NOL4: variants seen among roughly 807,000 people sequenced by gnomAD.
NOL4 encodes the protein nucleolar protein 4.
A neutral mutation model predicts 75.9 loss-of-function variants in NOL4; 17 were observed. That is an observed-to-expected ratio of 0.22 (90% CI 0.15 to 0.34). The LOEUF is 0.34. Among genes scored for constraint, NOL4 ranks in the 10% least tolerant of loss-of-function variants. The probability of loss-of-function intolerance (pLI) is 1.00; values close to 1 mark genes in which losing one functional copy is unlikely to be tolerated. For missense variants in NOL4, 614 were observed against 793.5 expected (o/e 0.77, Z 2.72); for synonymous variants, 292 against 289.9 (o/e 1.01, Z -0.07).
intron 9 of NOL4, among the ~76,000 whole-genome samples, chr18:33,917,600 T>A (rs1219566811): frequency 1.3e-5 from 2 of 152,004 alleles, no homozygotes; most frequent in African/African-American, 2.4e-5. Flanking sequence ...GGCTTACTAA[T>A]CCTCCCTCCT....
At chr18:34,191,258 T>C (rs2034892505) in intron 1 of NOL4, among the ~76,000 whole-genome samples, 1 of 152,152 alleles carries the variant, frequency 6.6e-6, no homozygotes, top group African/African-American at 2.4e-5. Context: ...ACTCTCTTCA[T>C]TTCCATTGTT....
chr18:34,074,384 C>T (rs904723883), intron 5 of NOL4, among the ~76,000 whole-genome samples: 2 of 151,680 alleles, frequency 1.3e-5, no homozygotes, highest in Non-Finnish European at 3.0e-5. Context: ...TAACACTCTT[C>T]ATATTGTTGT....
chr18:34,137,779 T>TACACACACAC (rs1156472289), intron 1 of NOL4, among the ~76,000 whole-genome samples: 125 of 147,152 alleles, frequency 8.5e-4, no homozygotes, highest in East Asian at 5.0e-3. Context: ...ATATACGAAA[T>TACACACACAC]ACACACACAC....
intron 6 of NOL4, among the ~76,000 whole-genome samples, chr18:34,007,303 G>A (rs1051669546): frequency 2.0e-5 from 3 of 151,908 alleles, no homozygotes; most frequent in African/African-American, 7.2e-5. Context: ...GTGTTACCAG[G>A]CCCTGTGATA....
chr18:33,948,875 G>A (rs1015691484), intron 8 of NOL4, among the ~76,000 whole-genome samples: 6 of 151,898 alleles, frequency 4.0e-5, no homozygotes, highest in Admixed American at 6.6e-5. Flanking sequence ...TAATATACAC[G>A]GAAGTGCATT....
intron 9 of NOL4, among the ~76,000 whole-genome samples, chr18:33,894,247 A>T (rs1353271499): frequency 6.6e-6 from 1 of 152,146 alleles, no homozygotes; most frequent in African/African-American, 2.4e-5. Context: ...TTTTCTGCTA[A>T]GAAAAACTGT....
chr18:34,223,959 A>T lies in NOL4; in HGVS notation c.-706T>A, dbSNP rs1231018645. 6.6e-6 allele frequency: 1 copy of T among 152,228 alleles called. No homozygotes were observed. The highest frequency in any genetic ancestry group is 1.5e-5 in the Non-Finnish European group (1 of 68,032). 9.4% of individuals were successfully genotyped at this position (152,228 alleles called of 1,614,324 possible). The stretch of plus-strand genomic sequence containing the variant: ...CTGTTTTACAGAATTTTTTATCAAG[A>T]TATTTTTTAAAACGGTTTAAAATGT... On this transcript the variant is annotated 5_prime_UTR_variant, in exon 1 of 11. Coordinates refer to ENST00000261592, the MANE Select transcript of NOL4 (RefSeq NM_003787.5).
At chr18:34,197,111 TTA>T (rs2035388875) in intron 1 of NOL4, among the ~76,000 whole-genome samples, 1 of 151,898 alleles carries the variant, frequency 6.6e-6, no homozygotes, top group African/African-American at 2.4e-5. Context: ...GGTGCTAAAC[TTA>T]TATAGAAATT....
chr18:34,042,179 A>G (rs1704052401), intron 5 of NOL4, among the ~76,000 whole-genome samples: 1 of 151,970 alleles, frequency 6.6e-6, no homozygotes, highest in Non-Finnish European at 1.5e-5. Context: ...CCTTTTCCTT[A>G]CTCTAATTTT....
At chr18:33,875,170 A>G (rs1012349609) in intron 10 of NOL4, among the ~76,000 whole-genome samples, 1 of 152,020 alleles carries the variant, frequency 6.6e-6, no homozygotes, top group Non-Finnish European at 1.5e-5. Context: ...AAGAGATCCA[A>G]TGAATAACTG....
chr18:34,039,808 A>C (rs1261871027), intron 5 of NOL4, among the ~76,000 whole-genome samples: 1 of 152,018 alleles, frequency 6.6e-6, no homozygotes, highest in African/African-American at 2.4e-5. Flanking sequence ...TTTTGACTTT[A>C]TGATGGTGTG....
chr18:34,179,946 A>G (rs1256080806), intron 1 of NOL4, among the ~76,000 whole-genome samples: 1 of 151,632 alleles, frequency 6.6e-6, no homozygotes, highest in Non-Finnish European at 1.5e-5. Context: ...CAGTCTAGAA[A>G]AAGTAGAAAA....
intron 6 of NOL4, among the ~76,000 whole-genome samples, chr18:34,018,151 G>A (rs2144406264): frequency 6.6e-6 from 1 of 152,266 alleles, no homozygotes; most frequent in African/African-American, 2.4e-5. Context: ...ACAGGTTTAC[G>A]TGGAGGGCAG....
At chr18:34,194,846 T>A (rs1331904280) in intron 1 of NOL4, among the ~76,000 whole-genome samples, 1 of 151,840 alleles carries the variant, frequency 6.6e-6, no homozygotes, top group African/African-American at 2.4e-5. Flanking sequence ...CCAACATGGA[T>A]AAACTTCATC....
intron 5 of NOL4, among the ~76,000 whole-genome samples, chr18:34,081,276 T>G (rs2077998695): frequency 1.3e-5 from 2 of 152,212 alleles, no homozygotes; most frequent in Non-Finnish European, 2.9e-5. Flanking sequence ...TTTTGAAGTT[T>G]GGCATTTTAT....
intron 5 of NOL4, among the ~76,000 whole-genome samples, chr18:34,031,933 G>A (rs1051839917): frequency 6.6e-6 from 1 of 152,152 alleles, no homozygotes; most frequent in Non-Finnish European, 1.5e-5. Context: ...CTCACAGTGG[G>A]TCCCAAAAAA....
intron 1 of NOL4, among the ~76,000 whole-genome samples, chr18:34,186,690 T>C (rs2034483827): frequency 6.6e-6 from 1 of 152,206 alleles, no homozygotes; most frequent in Admixed American, 6.5e-5. Context: ...TGTAATAAAA[T>C]ATTAACCTTA....
At position 33,924,802 on chromosome 18, in the gene NOL4, G is replaced by A. The variant is rs533551621; in HGVS notation, c.1542+18263C>T. Reference sequence around the variant, plus strand: ...TTGCTACATAGAGAACTAGAAAAGGGACTTAATTTTGTGGACTAATATTTG... The same window carrying A: ...TTGCTACATAGAGAACTAGAAAAGGAACTTAATTTTGTGGACTAATATTTG... On this transcript the variant is annotated intron_variant, in intron 9 of 10. Transcript: ENST00000261592. Among the ~76,000 whole-genome samples, 9 of 152,248 alleles carry A rather than the reference G, an allele frequency of 5.9e-5. No homozygotes were observed. The South Asian group carries it at 1.9e-3, about 32-fold the overall frequency.
rs183241485 is a variant in NOL4 at position 33,859,958 on chromosome 18, G to A, written c.1724-6923C>T. Among the ~76,000 whole-genome samples, 11 of 152,076 alleles carry A rather than the reference G, an allele frequency of 7.2e-5. No homozygotes were observed. In the East Asian group the frequency reaches 2.1e-3, roughly 29 times the overall value. On this transcript the variant is annotated intron_variant, in intron 10 of 10. Transcript: ENST00000261592. ...AAATGAAAATAAATACCCAAGACTG[G>A]GTTATTTTAAAAAGGAAAGAGGTTT...
Sources: allele counts gnomAD v4.1 joint callset (sites outside exome capture counted in the v4.1 genomes callset), GRCh38; gene constraint gnomAD v4.1.1; transcripts MANE v1.5; gene names NCBI Gene and HGNC (gene_info 2026-07-23, HGNC 2026-07-21).